ZNF362: variants seen among roughly 807,000 people sequenced by gnomAD.
ZNF362 encodes rotund homolog.
ZNF362 carries 11 observed loss-of-function variants against 42.9 expected under a neutral mutation model. The observed-to-expected ratio is 0.26, with a 90% CI of 0.16 to 0.42. The LOEUF (loss-of-function observed/expected upper bound fraction) is 0.42, where lower values mean the gene tolerates loss of function less well. ZNF362 is among the 20% of genes least tolerant of loss of function. The pLI is 1.00. For synonymous variants in ZNF362, 255 were observed against 257.3 expected (o/e 0.99, Z 0.09); for missense variants, 362 against 576.2 (o/e 0.63, Z 3.81).
At chr1:33,273,773 A>C (rs1208743238) in intron 2 of ZNF362, among the ~76,000 whole-genome samples, 4 of 152,200 alleles carry the variant, frequency 2.6e-5, no homozygotes, top group Non-Finnish European at 5.9e-5. Flanking sequence ...CTTGCTTGCC[A>C]TCCTCCTGAG....
At chr1:33,149,699 G>T in the ZNF362 span, among the ~76,000 whole-genome samples, 1 of 152,104 alleles carries the variant, frequency 6.6e-6, no homozygotes, top group African/African-American at 2.4e-5. Flanking sequence ...AAGTGATCCT[G>T]CTGCCTCAGC....
At chr1:33,202,886 C>T in the ZNF362 span, among the ~76,000 whole-genome samples, 1 of 151,706 alleles carries the variant, frequency 6.6e-6, no homozygotes, top group Non-Finnish European at 1.5e-5. Context: ...ATATAAATAC[C>T]TTAAATATGA....
chr1:33,236,572 T>TATATATATATAC, the ZNF362 span, among the ~76,000 whole-genome samples: 1 of 98,714 alleles, frequency 1.0e-5, no homozygotes, highest in Non-Finnish European at 2.0e-5. Context: ...TATATATATA[T>TATATATATATAC]ACATACACAC....
chr1:33,141,650 C>T, the ZNF362 span, among the ~76,000 whole-genome samples: 7 of 152,152 alleles, frequency 4.6e-5, no homozygotes, highest in African/African-American at 1.7e-4. Flanking sequence ...CAGTGTCAAC[C>T]CTTCCCCCTC....
intron 2 of ZNF362, among the ~76,000 whole-genome samples, chr1:33,274,508 C>T (rs558847268): frequency 3.9e-5 from 6 of 152,220 alleles, no homozygotes; most frequent in Admixed American, 1.3e-4. Flanking sequence ...TTGTGTTGGG[C>T]TGTAAGGGAT....
At chr1:33,161,423 A>G in the ZNF362 span, among the ~76,000 whole-genome samples, 5 of 152,088 alleles carry the variant, frequency 3.3e-5, no homozygotes, top group African/African-American at 9.7e-5. The surrounding 1 kb of genome is among the most constrained non-coding windows in gnomAD (Gnocchi z 4.3). Flanking sequence ...GAGTTCATGG[A>G]GTCAGAAACC....
the ZNF362 span, among the ~76,000 whole-genome samples, chr1:33,139,236 T>C: frequency 6.6e-6 from 1 of 152,206 alleles, no homozygotes; most frequent in East Asian, 2.0e-4. Context: ...CTCTGGGGGC[T>C]CAGCATCATC....
the ZNF362 span, among the ~76,000 whole-genome samples, chr1:33,188,845 A>T: frequency 5.9e-5 from 9 of 152,140 alleles, no homozygotes; most frequent in Non-Finnish European, 1.3e-4. Flanking sequence ...ATTGTTCAGC[A>T]CCTTCTCTGC....
chr1:33,281,507 G>A lies in ZNF362; in HGVS notation c.684-80G>A. ...AGGAAAGACCTGTCCCAGGTGCAAG[G>A]TCTCTCTGATGTAGAAGGCCTCCCC... On this transcript the variant is annotated intron_variant, in intron 5 of 8. Transcript: ENST00000539719. This position sits in a 1 kb window ranked among gnomAD's most constrained non-coding sequence, Gnocchi z 4.8. 1 of 1,389,486 alleles carries A rather than the reference G, an allele frequency of 7.2e-7. No individual in the cohort carries two copies. The highest frequency in any genetic ancestry group is 1.0e-6 in the Non-Finnish European group (1 of 987,886). 86.1% of individuals were successfully genotyped at this position (1,389,486 alleles called of 1,614,324 possible).
chr1:33,262,259 G>C (rs1314787035), intron 1 of ZNF362, among the ~76,000 whole-genome samples: 1 of 151,582 alleles, frequency 6.6e-6, no homozygotes, highest in African/African-American at 2.4e-5. Flanking sequence ...CCACCATCTG[G>C]GGTCCTTTTC....
chr1:33,277,736 C>T (rs1472181868), intron 4 of ZNF362, among the ~76,000 whole-genome samples: 2 of 152,178 alleles, frequency 1.3e-5, no homozygotes, highest in East Asian at 3.9e-4. Flanking sequence ...CCCAGGGCAC[C>T]GCCCTTGTGA....
At chr1:33,170,046 G>A in the ZNF362 span, among the ~76,000 whole-genome samples, 2 of 152,120 alleles carry the variant, frequency 1.3e-5, no homozygotes, top group South Asian at 2.1e-4. Context: ...CTACTAGGCC[G>A]GGCACAGTGG....
the ZNF362 span, among the ~76,000 whole-genome samples, chr1:33,148,498 A>T: frequency 1.3e-5 from 2 of 152,144 alleles, no homozygotes; most frequent in African/African-American, 2.4e-5. Flanking sequence ...GAGACAACCT[A>T]CCTGTATAGG....
chr1:33,188,632 C>T, the ZNF362 span, among the ~76,000 whole-genome samples: 1 of 152,212 alleles, frequency 6.6e-6, no homozygotes, highest in Non-Finnish European at 1.5e-5. Flanking sequence ...AAGAGCTCAG[C>T]CCTGCCTGTG....
intron 1 of ZNF362, among the ~76,000 whole-genome samples, chr1:33,267,172 C>CCAA (rs1043341677): frequency 3.3e-5 from 5 of 152,112 alleles, no homozygotes; most frequent in African/African-American, 1.2e-4. Context: ...GGGTGTCTTG[C>CCAA]TTTGTCAAAG....
At chr1:33,146,674 A>G in the ZNF362 span, 4 of 166,506 alleles carry the variant, frequency 2.4e-5, no homozygotes, top group African/African-American at 9.6e-5. Context: ...CTCTCAGGCA[A>G]CCCTAGGACC....
At chr1:33,192,257 A>G in the ZNF362 span, among the ~76,000 whole-genome samples, 1 of 152,184 alleles carries the variant, frequency 6.6e-6, no homozygotes, top group Non-Finnish European at 1.5e-5. Flanking sequence ...CATCTCTCAG[A>G]TGTTAGAGAG....
chr1:33,148,925 C>T, the ZNF362 span, among the ~76,000 whole-genome samples: 1 of 152,174 alleles, frequency 6.6e-6, no homozygotes, highest in Non-Finnish European at 1.5e-5. Context: ...TAACCAAGGT[C>T]GTCTGCAATC....
At chr1:33,207,929 G>A in the ZNF362 span, among the ~76,000 whole-genome samples, 2 of 152,110 alleles carry the variant, frequency 1.3e-5, no homozygotes, top group Admixed American at 1.3e-4. Flanking sequence ...TTCTTTTGCT[G>A]TGCAGAAGCT....
Sources: allele counts gnomAD v4.1 joint callset (sites outside exome capture counted in the v4.1 genomes callset), GRCh38; gene constraint gnomAD v4.1.1; non-coding constraint Gnocchi (gnomAD v3.1); transcripts MANE v1.5; gene names NCBI Gene and HGNC (gene_info 2026-07-23, HGNC 2026-07-21).